PTPRO: variants seen among roughly 807,000 people sequenced by gnomAD.
PTPRO encodes receptor-type tyrosine-protein phosphatase O.
PTPRO carries 62 observed loss-of-function variants against 145.2 expected under a neutral mutation model. The observed-to-expected ratio is 0.43, with a 90% confidence interval of 0.35 to 0.53. The LOEUF is 0.53. Among genes scored for constraint, PTPRO ranks in the 20% least tolerant of loss-of-function variants. The pLI is 0.01. For synonymous variants in PTPRO, 565 were observed against 514.7 expected, an observed-to-expected ratio of 1.10 and a Z score of -1.32; for missense variants, 1,345 against 1,482.7, an observed-to-expected ratio of 0.91 and a Z score of 1.53.
At chr12:15,435,373 A>T (rs1319127839) in intron 1 of PTPRO, among the ~76,000 whole-genome samples, 1 of 152,172 alleles carries the variant, frequency 6.6e-6, no homozygotes, top group East Asian at 1.9e-4. Flanking sequence ...GTGTAACTGA[A>T]CTGACATGAT....
At position 15,425,282 on chromosome 12, in the gene PTPRO, A is replaced by G. The variant is rs570730576; in HGVS notation, c.76-58692A>G. On this transcript the variant is annotated intron_variant, in intron 1 of 26. Transcript: ENST00000281171. ...CCAAGTTTTATTCTAATGTTTTTTT[A>G]CAAATGTTAACACATTTAATCTTCA... Among the ~76,000 whole-genome samples, 15 of 152,264 alleles carry G rather than the reference A, an allele frequency of 9.9e-5. No individual in the cohort carries two copies. The South Asian group carries it at 3.1e-3, about 32-fold the overall frequency.
At chr12:15,455,224 C>G (rs1019524854) in intron 1 of PTPRO, among the ~76,000 whole-genome samples, 3 of 152,142 alleles carry the variant, frequency 2.0e-5, no homozygotes, top group African/African-American at 7.2e-5. Flanking sequence ...CTTATACCTG[C>G]TTAACTGCTA....
chr12:15,410,381 T>C (rs747920233), intron 1 of PTPRO: 19 of 152,318 alleles, frequency 1.2e-4, no homozygotes, highest in South Asian at 4.1e-4. Flanking sequence ...ATTCAATCCA[T>C]TGAGGGCTCG....
intron 25 of PTPRO, among the ~76,000 whole-genome samples, chr12:15,591,901 A>T (rs1373308834): frequency 6.6e-6 from 1 of 151,988 alleles, no homozygotes; most frequent in South Asian, 2.1e-4. Context: ...AAAATTAATT[A>T]TGAAATAATT....
intron 1 of PTPRO, among the ~76,000 whole-genome samples, chr12:15,425,627 C>A (rs1031754367): frequency 2.6e-5 from 4 of 152,108 alleles, no homozygotes; most frequent in Admixed American, 2.6e-4. Flanking sequence ...GCAATGTATT[C>A]TTGTGCATGA....
At chr12:15,557,339 CT>C (rs1196144690) in intron 15 of PTPRO, 115 bp from the exon 16 acceptor site, 49 of 1,034,378 alleles carry the variant, frequency 4.7e-5, no homozygotes, top group Non-Finnish European at 6.1e-5. Context: ...CTAGCTTCTT[CT>C]TTTTTTTAAT....
At chr12:15,376,227 GA>G (rs1225439294) in intron 1 of PTPRO, among the ~76,000 whole-genome samples, 2 of 151,920 alleles carry the variant, frequency 1.3e-5, no homozygotes, top group East Asian at 1.9e-4. Context: ...GACTCATCCT[GA>G]AAAAAAATTT....
chr12:15,456,297 T>C (rs1941175888), intron 1 of PTPRO, among the ~76,000 whole-genome samples: 1 of 152,198 alleles, frequency 6.6e-6, no homozygotes, highest in Non-Finnish European at 1.5e-5. Context: ...TGTTGAATCA[T>C]CCTTGCATCC....
At chr12:15,543,791 G>C (rs1591708989) in intron 12 of PTPRO, among the ~76,000 whole-genome samples, 1 of 152,290 alleles carries the variant, frequency 6.6e-6, no homozygotes, top group South Asian at 2.1e-4. Context: ...CACCAAATGA[G>C]ACTTCAAGGA....
intron 1 of PTPRO, among the ~76,000 whole-genome samples, chr12:15,426,304 G>C (rs12305538): frequency 6.6e-6 from 1 of 151,516 alleles, no homozygotes; most frequent in Non-Finnish European, 1.5e-5. Context: ...ATTAATTCTA[G>C]TAGTTTTTCA....
At chr12:15,516,390 A>G (rs2136504270) in intron 8 of PTPRO, among the ~76,000 whole-genome samples, 1 of 150,528 alleles carries the variant, frequency 6.6e-6, no homozygotes, top group African/African-American at 2.4e-5. Flanking sequence ...AACGAAAGAG[A>G]GAGAGAGAGA....
intron 1 of PTPRO, chr12:15,440,441 G>A: frequency 4.4e-6 from 1 of 225,948 alleles, no homozygotes; most frequent in Non-Finnish European, 8.5e-6. Context: ...AATTAAGCCT[G>A]AAAAAAAAAT....
chr12:15,326,610 T>C (rs1866452884), intron 1 of PTPRO, among the ~76,000 whole-genome samples: 1 of 152,240 alleles, frequency 6.6e-6, no homozygotes, highest in African/African-American at 2.4e-5. Flanking sequence ...AATATCCAAC[T>C]TAAAGGTATT....
rs1160785174 is a variant in PTPRO at position 15,560,209 on chromosome 12, G to A, written c.2644G>A (p.Ala882Thr). The change falls in exon 17 of 27, where the codon GCT (alanine) becomes ACT (threonine). Residue 882 changes from alanine to threonine, a missense_variant. Physicochemically the swap from Ala to Thr is moderately conservative, Grantham distance 58 (BLOSUM62 0). Transcript: ENST00000281171. Reference sequence around the variant, plus strand: ...TGCACACAGGCGTAGGAGTATATTTGCTTTCTTAACCCTGCTACCCTCATG... The same window carrying A: ...TGCACACAGGCGTAGGAGTATATTTACTTTCTTAACCCTGCTACCCTCATG... Reference protein sequence around the residue: ...LPYNWRRSIFAFLTLLPSCLW... With the variant: ...LPYNWRRSIFTFLTLLPSCLW... 2 of 1,591,360 alleles carry A rather than the reference G, an allele frequency of 1.3e-6. No individual in the cohort carries two copies. The highest frequency in any genetic ancestry group is 1.7e-6 in the Non-Finnish European group (2 of 1,159,850).
At chr12:15,352,567 T>C (rs1591730767) in intron 1 of PTPRO, among the ~76,000 whole-genome samples, 1 of 148,046 alleles carries the variant, frequency 6.8e-6, no homozygotes, top group South Asian at 2.1e-4. Flanking sequence ...AGGAGAATGG[T>C]GTGAACTCGG....
rs1210142081 is a variant in PTPRO at position 15,524,940 on chromosome 12, A to C, written c.2018A>C (p.Glu673Ala). The C allele has an allele frequency of 4.3e-6, 7 of 1,613,962 alleles. No homozygotes were observed. Among genetic ancestry groups the C allele is most frequent in the Non-Finnish European group, 5.9e-6 (7 of 1,179,972 alleles). ...SRMLHWMVVA[E>A]GKKKIKKSVT... is the part of the protein sequence containing the mutation. ...ATGCTTCACTGGATGGTGGTTGCAG[A>C]AGGAAAAAAGAAAATTAAAAAGAGT... Residue 673 changes from glutamate to alanine, a missense_variant, in exon 11 of 27, where the codon GAA becomes GCA. Coordinates refer to ENST00000281171, the MANE Select transcript of PTPRO (RefSeq NM_030667.3).
intron 19 of PTPRO, among the ~76,000 whole-genome samples, chr12:15,573,834 T>C (rs181958697): frequency 6.6e-6 from 1 of 152,342 alleles, no homozygotes; most frequent in Admixed American, 6.5e-5. Context: ...ATGCCTGATT[T>C]CAGGATGTAT....
chr12:15,393,647 G>A (rs1379022405), intron 1 of PTPRO, among the ~76,000 whole-genome samples: 1 of 144,474 alleles, frequency 6.9e-6, no homozygotes, highest in African/African-American at 2.6e-5. Context: ...TTTTTTTTCT[G>A]AGAGTCTTCT....
At chr12:15,445,014 A>G (rs2136367047) in intron 1 of PTPRO, among the ~76,000 whole-genome samples, 1 of 152,268 alleles carries the variant, frequency 6.6e-6, no homozygotes, top group East Asian at 1.9e-4. Context: ...GTACCCAAAA[A>G]ATGTCATATA....
Sources: gnomAD v4.1 joint callset for allele counts (sites outside exome capture counted in the v4.1 genomes callset) on GRCh38, gnomAD v4.1.1 for gene constraint, MANE v1.5 for transcripts, NCBI Gene and HGNC (gene_info 2026-07-23, HGNC 2026-07-21) for gene names.